The following PCDHGB2 variants were observed in gnomAD, a reference collection of about 807,000 sequenced individuals.
PCDHGB2 encodes the protein protocadherin gamma subfamily B, 2, also known as protocadherin gamma-B2.
In PCDHGB2, 55 loss-of-function variants were observed where a neutral mutation model predicts 59.3. That is an observed-to-expected ratio of 0.93 (90% CI 0.75 to 1.16). The LOEUF (loss-of-function observed/expected upper bound fraction) is 1.16. Among genes scored for constraint, PCDHGB2 ranks in the 50% most tolerant of loss-of-function variants. The pLI, the probability that PCDHGB2 is intolerant of heterozygous loss-of-function variation, is 0.00. For missense variants in PCDHGB2, 1,228 were observed against 1,198.5 expected, an observed-to-expected ratio of 1.02 and a Z score of -0.36; for synonymous variants, 516 against 512.0, an observed-to-expected ratio of 1.01 and a Z score of -0.11.
Position 141,431,530 on chromosome 5 carries a change from G to A in PCDHGB2, c.2422-63277G>A. On this transcript the variant is annotated intron_variant, in intron 1 of 3. Transcript: ENST00000522605. The surrounding 1 kb of genome is among the most constrained non-coding windows in gnomAD (Gnocchi z 4.8). ...CGAGCGTTCCGGAGAATCTGGCCTT[G>A]GGCACGCAGCTGCTTGTAGTCAACG... 3 of 1,614,072 alleles carry A rather than the reference G, an allele frequency of 1.9e-6. No homozygotes were observed. In the South Asian group the frequency reaches 3.3e-5, roughly 18 times the overall value.
chr5:141,433,208 C>CTTT, intron 1 of PCDHGB2: 2 of 1,293,022 alleles, frequency 1.5e-6, no homozygotes, highest in Non-Finnish European at 2.1e-6. Context: ...AATCTTCTTT[C>CTTT]TTTTTTTTTT....
chr5:141,487,475 C>T lies in PCDHGB2; in HGVS notation c.2422-7332C>T, dbSNP rs781308835. On this transcript the variant is annotated intron_variant, in intron 1 of 3. Coordinates refer to ENST00000522605, the MANE Select transcript of PCDHGB2 (RefSeq NM_018923.3). The surrounding 1 kb of genome is among the most constrained non-coding windows in gnomAD (Gnocchi z 5.0). ...TATCAAGTTTGTTGATGTGGGAGGC[C>T]ACTCTCATGGCTGTACACCCTTGGC... 1.2e-6 allele frequency: 2 copies of T among 1,614,156 alleles called. No homozygotes were observed. Among genetic ancestry groups the T allele is most frequent in the South Asian group, 1.1e-5 (1 of 91,080 alleles).
chr5:141,476,416 A>C lies in PCDHGB2; in HGVS notation c.2422-18391A>C, dbSNP rs2099391138. On this transcript the variant is annotated intron_variant, in intron 1 of 3. Coordinates refer to ENST00000522605, the MANE Select transcript of PCDHGB2 (RefSeq NM_018923.3). The surrounding 1 kb of genome is among the most constrained non-coding windows in gnomAD (Gnocchi z 7.6). ...TGGATCGAGAGGAGCTGTGTGGGACACTGCCCTCTTGCACTGTAACTCTGG... is the reference window on the plus strand; with the variant it reads ...TGGATCGAGAGGAGCTGTGTGGGACCCTGCCCTCTTGCACTGTAACTCTGG... 6.2e-7 allele frequency: 1 copy of C among 1,614,056 alleles called. No homozygotes were observed. The highest frequency in any genetic ancestry group is 8.5e-7 in the Non-Finnish European group (1 of 1,179,994).
At chr5:141,369,791 C>T (rs1275823255) in intron 1 of PCDHGB2, among the ~76,000 whole-genome samples, 1 of 152,190 alleles carries the variant, frequency 6.6e-6, no homozygotes, top group African/African-American at 2.4e-5. Flanking sequence ...CTTTATACTA[C>T]GTCTTCTGCC....
intron 1 of PCDHGB2, among the ~76,000 whole-genome samples, chr5:141,435,383 G>A (rs1057246190): frequency 6.6e-6 from 1 of 152,016 alleles, no homozygotes; most frequent in South Asian, 2.1e-4. Flanking sequence ...ACAATATACC[G>A]TATTGCCATG....
chr5:141,372,331 T>G (rs1385749044), intron 1 of PCDHGB2: 2 of 1,613,644 alleles, frequency 1.2e-6, no homozygotes, highest in African/African-American at 1.3e-5. Flanking sequence ...CTGGTCACTG[T>G]GCGTGATGGA....
At chr5:141,504,743 G>A (rs924744762) in intron 2 of PCDHGB2, among the ~76,000 whole-genome samples, 5 of 151,982 alleles carry the variant, frequency 3.3e-5, no homozygotes, top group African/African-American at 9.7e-5. Context: ...GGAAGCCATT[G>A]AATTTTAGAA....
At position 141,384,238 on chromosome 5, in the gene PCDHGB2, G is replaced by A. The variant is rs1779876859; in HGVS notation, c.2421+21682G>A. ...ATTCATGCAGGTGGCAGACACCAAC[G>A]ATAACCCACCCACCTTCCCCCACTC... On this transcript the variant is annotated intron_variant, in intron 1 of 3. Coordinates refer to ENST00000522605, the MANE Select transcript of PCDHGB2 (RefSeq NM_018923.3). 1 of 1,613,838 alleles carries A rather than the reference G, an allele frequency of 6.2e-7. No individual in the cohort carries two copies. Among genetic ancestry groups the A allele is most frequent in the Non-Finnish European group, 8.5e-7 (1 of 1,179,886 alleles).
chr5:141,384,588 G>A, intron 1 of PCDHGB2: 1 of 1,614,242 alleles, frequency 6.2e-7, no homozygotes, highest in Non-Finnish European at 8.5e-7. Flanking sequence ...CCGAGATCCT[G>A]TACCCGGCCC....
chr5:141,476,158 G>A lies in PCDHGB2; in HGVS notation c.2422-18649G>A. 2 of 1,612,868 alleles carry A rather than the reference G, an allele frequency of 1.2e-6. No homozygotes were observed. Among genetic ancestry groups the A allele is most frequent in the Non-Finnish European group, 1.7e-6 (2 of 1,179,894 alleles). On this transcript the variant is annotated intron_variant, in intron 1 of 3. Transcript: ENST00000522605. The surrounding 1 kb of genome is among the most constrained non-coding windows in gnomAD (Gnocchi z 7.6). ...GGAGGAGCGGACTGGTAAGCACCGGGAGGGTAGTGGGAGTTTTGCTTCTGC... is the reference window on the plus strand; with the variant it reads ...GGAGGAGCGGACTGGTAAGCACCGGAAGGGTAGTGGGAGTTTTGCTTCTGC...
intron 1 of PCDHGB2, chr5:141,417,855 G>A: frequency 6.5e-7 from 1 of 1,544,918 alleles, no homozygotes. Context: ...GAACCCGAGC[G>A]AACGATGGGA....
intron 1 of PCDHGB2, chr5:141,423,189 T>A (rs2096719374): frequency 1.2e-6 from 2 of 1,613,562 alleles, no homozygotes; most frequent in Non-Finnish European, 8.5e-7. Flanking sequence ...GCCAGCCCCC[T>A]CTCTCGGCCA....
chr5:141,365,539 C>T, intron 1 of PCDHGB2: 1 of 1,613,718 alleles, frequency 6.2e-7, no homozygotes, highest in Non-Finnish European at 8.5e-7. Flanking sequence ...ATTACTATCA[C>T]CTATTAACAA....
At chr5:141,382,164 T>A (rs938169976) in intron 1 of PCDHGB2, among the ~76,000 whole-genome samples, 5 of 152,100 alleles carry the variant, frequency 3.3e-5, no homozygotes, top group Non-Finnish European at 5.9e-5. Context: ...AATGAAGGTG[T>A]TAGACCGTCT....
chr5:141,448,795 A>T (rs577803435), intron 1 of PCDHGB2, among the ~76,000 whole-genome samples: 1 of 152,086 alleles, frequency 6.6e-6, no homozygotes, highest in African/African-American at 2.4e-5. Context: ...AAAAAAAAAA[A>T]TTAGCCAGGC....
At chr5:141,387,135 T>C (rs2090834693) in intron 1 of PCDHGB2, among the ~76,000 whole-genome samples, 1 of 152,208 alleles carries the variant, frequency 6.6e-6, no homozygotes, top group African/African-American at 2.4e-5. Context: ...ACTGAAACTA[T>C]TGGGAAGGGG....
At chr5:141,478,735 G>T in intron 1 of PCDHGB2, 1 of 1,535,968 alleles carries the variant, frequency 6.5e-7, no homozygotes, top group Non-Finnish European at 8.8e-7. Flanking sequence ...AGTGTGGTTT[G>T]TGGTCCCATT....
At chr5:141,430,935 T>G (rs748546768) in intron 1 of PCDHGB2, 1 of 1,607,814 alleles carries the variant, frequency 6.2e-7, no homozygotes. Context: ...CCCCGGGAGC[T>G]CGCGGAGCGC....
At chr5:141,428,286 A>G in intron 1 of PCDHGB2, 1 of 730,462 alleles carries the variant, frequency 1.4e-6, no homozygotes, top group Non-Finnish European at 2.4e-6. Flanking sequence ...ATTCCCAAGC[A>G]AAGCTGCAGA....
Sources: allele counts gnomAD v4.1 joint callset (sites outside exome capture counted in the v4.1 genomes callset), GRCh38; gene constraint gnomAD v4.1.1; non-coding constraint Gnocchi (gnomAD v3.1); transcripts MANE v1.5; gene names NCBI Gene and HGNC (gene_info 2026-07-23, HGNC 2026-07-21).